The following PPP2R5C variants were observed in gnomAD, a reference collection of about 807,000 sequenced individuals.
PPP2R5C encodes serine/threonine-protein phosphatase 2A 56 kDa regulatory subunit gamma isoform.
A neutral mutation model predicts 68.9 loss-of-function variants in PPP2R5C; 7 were observed. The ratio of observed to expected loss-of-function variants is 0.10; its 90% CI spans 0.06 to 0.19. PPP2R5C has a LOEUF of 0.19. Ranked by LOEUF, PPP2R5C falls within the 10% of genes least tolerant of loss-of-function variation. The pLI is 1.00. For missense variants in PPP2R5C, 348 were observed against 641.3 expected (o/e 0.54, Z 4.94); for synonymous variants, 210 against 222.2 (o/e 0.95, Z 0.49).
intron 1 of PPP2R5C, among the ~76,000 whole-genome samples, chr14:101,848,632 C>T (rs2041976298): frequency 6.6e-6 from 1 of 152,024 alleles, no homozygotes; most frequent in African/African-American, 2.4e-5. Flanking sequence ...GTTTAGAGGT[C>T]GTCGGTGTTG....
At chr14:101,810,018 G>T in exon 1 of PPP2R5C, 1 of 1,613,904 alleles carries the variant, frequency 6.2e-7, no homozygotes, top group South Asian at 1.1e-5. Context: ...CCAGCCCGTG[G>T]TCCTTCTCCA....
intron 1 of PPP2R5C, among the ~76,000 whole-genome samples, chr14:101,828,988 ATTCTTT>A (rs1342291747): frequency 6.6e-6 from 1 of 152,230 alleles, no homozygotes; most frequent in Admixed American, 6.5e-5. Context: ...CTCAAAAGAT[ATTCTTT>A]TTCTTACCTC....
intron 3 of PPP2R5C, among the ~76,000 whole-genome samples, chr14:101,789,340 C>T (rs1451807951): frequency 6.6e-6 from 1 of 152,222 alleles, no homozygotes; most frequent in Non-Finnish European, 1.5e-5. Context: ...TGGTAAGCAG[C>T]CTTTGCAAGG....
At chr14:101,819,358 C>T (rs1162982329) in intron 1 of PPP2R5C, 1 of 369,534 alleles carries the variant, frequency 2.7e-6, no homozygotes, top group African/African-American at 2.0e-5. Flanking sequence ...ATAAGATTAC[C>T]AAGATCTAAT....
chr14:101,762,499 G>T (rs2036605424), intron 1 of PPP2R5C, among the ~76,000 whole-genome samples: 1 of 151,860 alleles, frequency 6.6e-6, no homozygotes, highest in African/African-American at 2.4e-5. Context: ...AGGGTGCTGC[G>T]TTTGCATTCG....
chr14:101,894,522 G>A (rs2045174291), exon 8 of PPP2R5C: 2 of 1,614,002 alleles, frequency 1.2e-6, no homozygotes, highest in East Asian at 2.2e-5. Context: ...ATACTGTGTA[G>A]TGCAGTTTTT....
chr14:101,856,983 ATCC>A (rs2042458420), intron 2 of PPP2R5C, 98 bp downstream of exon 4: 5 of 1,145,802 alleles, frequency 4.4e-6, no homozygotes, highest in Non-Finnish European at 5.0e-6. Context: ...CAGGAGAAGA[ATCC>A]TCCTGTTCCA....
At chr14:101,793,962 A>G (rs559433888) in intron 3 of PPP2R5C, among the ~76,000 whole-genome samples, 2 of 152,292 alleles carry the variant, frequency 1.3e-5, no homozygotes, top group East Asian at 3.9e-4. Flanking sequence ...TCCAACATCC[A>G]ACTCTAGTCT....
At position 101,896,180 on chromosome 14, in the gene PPP2R5C, C is replaced by T. The variant is rs1460877961; in HGVS notation, c.852+1620C>T. Among the ~76,000 whole-genome samples the T allele has an allele frequency of 3.3e-5, 5 of 151,960 alleles. No homozygotes were observed. In the South Asian group the frequency reaches 6.2e-4, roughly 19 times the overall value. On this transcript the variant is annotated intron_variant, in intron 8 of 13. Transcript: ENST00000334743. ...GATTACAGGTGCCTGCCACCATGCC[C>T]GGCTAATTTTTGCATTTTTATTAGA... is the stretch of plus-strand genomic sequence containing the variant.
intron 1 of PPP2R5C, among the ~76,000 whole-genome samples, chr14:101,813,592 T>C (rs1488621546): frequency 1.3e-5 from 2 of 152,234 alleles, no homozygotes; most frequent in Non-Finnish European, 2.9e-5. Context: ...GCATGCTCAC[T>C]TCAGGAGCCA....
At chr14:101,844,986 G>C (rs2041735785) in intron 1 of PPP2R5C, among the ~76,000 whole-genome samples, 1 of 152,194 alleles carries the variant, frequency 6.6e-6, no homozygotes, top group South Asian at 2.1e-4. Flanking sequence ...TGAGCATTTA[G>C]TAATCAGTGC....
At chr14:101,837,165 C>T (rs189619032) in intron 1 of PPP2R5C, among the ~76,000 whole-genome samples, 11 of 152,154 alleles carry the variant, frequency 7.2e-5, no homozygotes, top group African/African-American at 2.2e-4. Flanking sequence ...GTTTTTGAGA[C>T]GGAGTTTCAC....
In PPP2R5C at chr14:101,899,492, C is replaced by T. The variant is rs539639051; in HGVS notation, c.853-2227C>T. On this transcript the variant is annotated intron_variant, in intron 8 of 13. Coordinates refer to ENST00000334743, the Ensembl canonical transcript of PPP2R5C. The surrounding 1 kb of genome is among the most constrained non-coding windows in gnomAD (Gnocchi z 4.2). ...TCCTCCACAGAGCACGCCACACTGA[C>T]GCAGCAAAATAGCTGATACCGATCA... Among the ~76,000 whole-genome samples the T allele has an allele frequency of 9.8e-5, 15 of 152,312 alleles. No individual in the cohort carries two copies. The highest frequency in any genetic ancestry group is 2.1e-4 in the South Asian group (1 of 4,826).
At chr14:101,919,814 CA>C (rs1262413641) in intron 13 of PPP2R5C, among the ~76,000 whole-genome samples, 1 of 151,950 alleles carries the variant, frequency 6.6e-6, no homozygotes, top group Non-Finnish European at 1.5e-5. Flanking sequence ...CTAAAAAATA[CA>C]AAAATTAGCC....
chr14:101,798,269 A>G (rs2038707648), intron 3 of PPP2R5C, among the ~76,000 whole-genome samples: 1 of 152,208 alleles, frequency 6.6e-6, no homozygotes, highest in Non-Finnish European at 1.5e-5. Flanking sequence ...GTCTTCACTA[A>G]AATAGAAGCA....
intron 3 of PPP2R5C, among the ~76,000 whole-genome samples, chr14:101,804,411 T>C (rs1334138676): frequency 4.6e-5 from 7 of 152,188 alleles, no homozygotes; most frequent in Admixed American, 3.9e-4. Flanking sequence ...CAAAGAGATA[T>C]CTGCACTCCT....
In PPP2R5C at chr14:101,879,615, G is replaced by A. The variant is rs1043476034; in HGVS notation, c.295-2546G>A. On this transcript the variant is annotated intron_variant, in intron 2 of 13. Transcript: ENST00000334743. This position sits in a 1 kb window ranked among gnomAD's most constrained non-coding sequence, Gnocchi z 4.2. ...GCCCAGGCTCTGCCCTCCCCACACT[G>A]TGCTCTGCCCCTGTCGGCACCAGGC... Among the ~76,000 whole-genome samples the A allele has an allele frequency of 2.0e-4, 30 of 152,100 alleles. No homozygotes were observed. The highest frequency in any genetic ancestry group is 7.2e-4 in the African/African-American group (30 of 41,414).
In PPP2R5C at chr14:101,894,489, T is replaced by C; in HGVS notation, c.799-18T>C. The C allele has an allele frequency of 6.2e-7, 1 of 1,611,752 alleles. No individual in the cohort carries two copies. Among genetic ancestry groups the C allele is most frequent in the South Asian group, 1.1e-5 (1 of 91,038 alleles). On this transcript the variant is annotated intron_variant, in intron 7 of 13. Coordinates refer to ENST00000334743, the Ensembl canonical transcript of PPP2R5C. ...TTTATGTTGAAATGTTAATGCTCTT[T>C]CTCCTTTTACTTTTTAGCTGGCATA... is the stretch of plus-strand genomic sequence containing the variant.
At chr14:101,885,284 C>A (rs986139508) in intron 5 of PPP2R5C, among the ~76,000 whole-genome samples, 1 of 152,106 alleles carries the variant, frequency 6.6e-6, no homozygotes, top group African/African-American at 2.4e-5. Context: ...GCAGATGAGA[C>A]CCCCCCTGCC....
Sources: gnomAD v4.1 joint callset for allele counts (sites outside exome capture counted in the v4.1 genomes callset) on GRCh38, gnomAD v4.1.1 for gene constraint, Gnocchi (gnomAD v3.1) non-coding constraint, MANE v1.5 for transcripts, NCBI Gene and HGNC (gene_info 2026-07-23, HGNC 2026-07-21) for gene names.